Variants in RBM26 observed in about 807,000 individuals in gnomAD.
The protein encoded by RBM26 is RNA-binding protein 26.
RBM26 carries 30 observed loss-of-function variants against 123.6 expected under a neutral mutation model. The observed-to-expected ratio is 0.24, with a 90% CI of 0.18 to 0.33. The LOEUF is 0.33. Ranked by LOEUF, RBM26 falls within the 10% of genes least tolerant of loss-of-function variation. RBM26 has a pLI of 1.00. For synonymous variants in RBM26, 400 were observed against 404.4 expected (o/e 0.99, Z 0.13); for missense variants, 947 against 1,203.6 (o/e 0.79, Z 3.15).
At chr13:79,389,450 G>C (rs982160800) in intron 1 of RBM26, 1 of 151,974 alleles carries the variant, frequency 6.6e-6, no homozygotes. Context: ...AAGAAAAAAA[G>C]AAACGGGAAA....
At chr13:79,388,255 C>G (rs567120987) in intron 1 of RBM26, among the ~76,000 whole-genome samples, 1 of 152,338 alleles carries the variant, frequency 6.6e-6, no homozygotes, top group South Asian at 2.1e-4. Context: ...ACCACCACGT[C>G]TGGCTAATTT....
intron 7 of RBM26, 107 bp downstream of exon 7, chr13:79,366,526 G>T: frequency 8.7e-7 from 1 of 1,151,150 alleles, no homozygotes; most frequent in Non-Finnish European, 1.2e-6. Flanking sequence ...TTTCTATCAG[G>T]CATTTTTGGG....
At chr13:79,337,024 A>C (rs931481732) in intron 19 of RBM26, 78 bp downstream of exon 19, 4 of 1,336,336 alleles carry the variant, frequency 3.0e-6, no homozygotes, top group East Asian at 4.9e-5. Flanking sequence ...TGTCCTTTTC[A>C]TAACTTCCTC....
At chr13:79,321,609 G>A (rs186685459) in intron 21 of RBM26, among the ~76,000 whole-genome samples, 10 of 151,382 alleles carry the variant, frequency 6.6e-5, no homozygotes, top group African/African-American at 2.4e-4. Context: ...GTTACTCAAA[G>A]AAAAATGCAC....
chr13:79,339,378 T>C (rs1460801295), intron 18 of RBM26, among the ~76,000 whole-genome samples: 2 of 152,110 alleles, frequency 1.3e-5, no homozygotes, highest in African/African-American at 2.4e-5. Context: ...ATAATAATTA[T>C]TGTATACTTG....
At chr13:79,340,644 C>T (rs1271823540) in intron 18 of RBM26, among the ~76,000 whole-genome samples, 4 of 151,818 alleles carry the variant, frequency 2.6e-5, no homozygotes. Context: ...AATTAAATTA[C>T]AAGAAAGAAG....
At chr13:79,330,267 CAGAA>C (rs1450889515) in intron 20 of RBM26, among the ~76,000 whole-genome samples, 1 of 152,044 alleles carries the variant, frequency 6.6e-6, no homozygotes, top group African/African-American at 2.4e-5. Context: ...ATATACATAA[CAGAA>C]AGCACAAAGG....
chr13:79,322,307 G>T, intron 21 of RBM26, 42 bp downstream of exon 21: 1 of 1,261,950 alleles, frequency 7.9e-7, no homozygotes, highest in Non-Finnish European at 1.1e-6. Flanking sequence ...TAAAAGCTAT[G>T]AACGATTAAG....
chr13:79,369,623 CAA>C (rs1010911068), intron 5 of RBM26, among the ~76,000 whole-genome samples: 10 of 151,804 alleles, frequency 6.6e-5, no homozygotes, highest in Non-Finnish European at 1.3e-4. Flanking sequence ...TTAAGAGTAG[CAA>C]AAAAAGTTTG....
At chr13:79,373,997 G>C (rs979972547) in intron 3 of RBM26, among the ~76,000 whole-genome samples, 4 of 151,662 alleles carry the variant, frequency 2.6e-5, no homozygotes, top group Non-Finnish European at 5.9e-5. Context: ...CTTAGAGGTT[G>C]AACAAATTCA....
intron 9 of RBM26, among the ~76,000 whole-genome samples, chr13:79,361,383 G>A (rs762813190): frequency 1.3e-5 from 2 of 151,924 alleles, no homozygotes; most frequent in Non-Finnish European, 2.9e-5. Flanking sequence ...AGAAACTCTC[G>A]TAAAACCAGT....
At chr13:79,393,322 G>C (rs2078264578) in intron 1 of RBM26, among the ~76,000 whole-genome samples, 1 of 152,226 alleles carries the variant, frequency 6.6e-6, no homozygotes, top group Admixed American at 6.5e-5. Context: ...AGGGGCATCT[G>C]ATCTCTCAAG....
intron 1 of RBM26, among the ~76,000 whole-genome samples, chr13:79,394,986 C>T (rs991133432): frequency 3.3e-5 from 5 of 152,150 alleles, no homozygotes; most frequent in Non-Finnish European, 7.3e-5. Flanking sequence ...CAATGGTGAA[C>T]TGAATCAAAC....
intron 5 of RBM26, among the ~76,000 whole-genome samples, 159 bp from the exon 6 acceptor site, chr13:79,369,149 G>A (rs147592807): frequency 2.4e-4 from 37 of 151,908 alleles, no homozygotes; most frequent in African/African-American, 8.7e-4. Context: ...AATATACAAT[G>A]TTAAAAGGTA....
intron 20 of RBM26, among the ~76,000 whole-genome samples, chr13:79,329,100 T>C (rs1345816743): frequency 6.6e-6 from 1 of 152,036 alleles, no homozygotes; most frequent in East Asian, 1.9e-4. Flanking sequence ...CACCCACATG[T>C]TGGTGTCAGT....
intron 2 of RBM26, 88 bp from the exon 3 acceptor site, chr13:79,377,603 A>C (rs2076754271): frequency 9.6e-7 from 1 of 1,039,306 alleles, no homozygotes; most frequent in Non-Finnish European, 1.4e-6. Context: ...AATATGATGA[A>C]ACATACCTTG....
chr13:79,374,895 C>A (rs781086054), intron 3 of RBM26, among the ~76,000 whole-genome samples: 1 of 151,476 alleles, frequency 6.6e-6, no homozygotes, highest in Non-Finnish European at 1.5e-5. Context: ...AGTATTATTA[C>A]ATCAATAGAT....
At chr13:79,351,403 C>G (rs2073187626) in intron 14 of RBM26, among the ~76,000 whole-genome samples, 1 of 152,022 alleles carries the variant, frequency 6.6e-6, no homozygotes, top group South Asian at 2.1e-4. Context: ...TCCAGTGTTT[C>G]TTTTTTCTGA....
chr13:79,391,893 GAACA>G (rs1215615011), intron 1 of RBM26, among the ~76,000 whole-genome samples: 5 of 148,984 alleles, frequency 3.4e-5, no homozygotes, highest in Non-Finnish European at 4.4e-5. Context: ...GGGAGTGTAT[GAACA>G]ATCAACAGGA....
Sources: allele counts gnomAD v4.1 joint callset (sites outside exome capture counted in the v4.1 genomes callset), GRCh38; gene constraint gnomAD v4.1.1; transcripts MANE v1.5; gene names NCBI Gene and HGNC (gene_info 2026-07-23, HGNC 2026-07-21).